Variants in XRCC6 observed in about 807,000 individuals in gnomAD.
XRCC6 encodes X-ray repair cross complementing 6, also known as DNA repair protein Ku70.
Under a neutral mutation model 65.7 loss-of-function variants are expected in XRCC6, and 5 were observed. The observed-to-expected ratio is 0.08, with a 90% CI of 0.04 to 0.16. The LOEUF (loss-of-function observed/expected upper bound fraction) is 0.16, where lower values mean the gene tolerates loss of function less well. XRCC6 is among the 10% of genes least tolerant of loss of function. The pLI, the probability that XRCC6 is intolerant of heterozygous loss-of-function variation, is 1.00. For synonymous variants in XRCC6, 270 were observed against 270.6 expected (o/e 1.00, Z 0.02); for missense variants, 447 against 738.1 (o/e 0.61, Z 4.57).
chr22:41,651,473 C>T (rs2067995947), intron 8 of XRCC6, among the ~76,000 whole-genome samples: 1 of 125,136 alleles, frequency 8.0e-6, no homozygotes, highest in South Asian at 2.9e-4. Context: ...CTCACTGCAA[C>T]ATCTGCCTCC....
At chr22:41,651,003 T>C in intron 8 of XRCC6, 112 bp downstream of exon 8, 10 of 1,363,952 alleles carry the variant, frequency 7.3e-6, no homozygotes, top group South Asian at 5.4e-5. Flanking sequence ...TAATGGAGTA[T>C]GTTGAAAGTG....
chr22:41,649,984 C>T (rs932970848), intron 7 of XRCC6, among the ~76,000 whole-genome samples: 2 of 152,018 alleles, frequency 1.3e-5, no homozygotes, highest in East Asian at 3.9e-4. Context: ...CGAGATTGCG[C>T]CACTGCACGC....
In XRCC6 at chr22:41,627,547, G is replaced by T. The variant is rs117579868; in HGVS notation, c.83-571G>T. ...AATCGCTTGAACCTGGGAGACGGAGGTCGTAGTAAGCCGAGATTGTGCCAC... is the reference window on the plus strand; with the variant it reads ...AATCGCTTGAACCTGGGAGACGGAGTTCGTAGTAAGCCGAGATTGTGCCAC... On this transcript the variant is annotated intron_variant, in intron 2 of 12. Transcript: ENST00000360079. 3.7e-3 allele frequency among the ~76,000 whole-genome samples: 550 copies of T among 146,800 alleles called. 20 individuals carry two copies. In the East Asian group the frequency reaches 0.1, roughly 28 times the overall value.
chr22:41,655,835 C>T (rs1347916167), intron 9 of XRCC6, among the ~76,000 whole-genome samples: 1 of 151,706 alleles, frequency 6.6e-6, no homozygotes, highest in Non-Finnish European at 1.5e-5. Flanking sequence ...AAGTGCTGTG[C>T]TTACCGACGT....
At chr22:41,651,519 A>AT (rs900444465) in intron 8 of XRCC6, among the ~76,000 whole-genome samples, 11 of 141,314 alleles carry the variant, frequency 7.8e-5, no homozygotes, top group Non-Finnish European at 1.5e-4. Flanking sequence ...TTATATATAT[A>AT]TATTTTTTTA....
intron 11 of XRCC6, among the ~76,000 whole-genome samples, chr22:41,659,701 T>C (rs976542053): frequency 2.6e-5 from 4 of 152,108 alleles, no homozygotes; most frequent in African/African-American, 9.7e-5. Flanking sequence ...TTCATTCATT[T>C]GAGACAGGTT....
intron 3 of XRCC6, among the ~76,000 whole-genome samples, chr22:41,630,176 G>A (rs958213597): frequency 6.6e-6 from 1 of 151,658 alleles, no homozygotes; most frequent in African/African-American, 2.4e-5. Context: ...TAGAGATGGG[G>A]TTTCACCATA....
At chr22:41,652,721 T>C (rs2068012619) in intron 8 of XRCC6, among the ~76,000 whole-genome samples, 1 of 152,070 alleles carries the variant, frequency 6.6e-6, no homozygotes, top group South Asian at 2.1e-4. Context: ...TCGCCCAGGC[T>C]GGAATGCAGT....
intron 3 of XRCC6, among the ~76,000 whole-genome samples, chr22:41,628,965 C>CAAAAAAA (rs11413169): frequency 9.6e-5 from 6 of 62,724 alleles, no homozygotes; most frequent in Admixed American, 2.9e-4. Context: ...GACTCTGTCT[C>CAAAAAAA]AAAAAAAAAA....
chr22:41,663,536 A>G, intron 12 of XRCC6, 86 bp from the exon 13 acceptor site: 1 of 1,466,686 alleles, frequency 6.8e-7, no homozygotes, highest in Non-Finnish European at 9.3e-7. Flanking sequence ...TGCAGCCCAG[A>G]TTATACGAGG....
chr22:41,637,078 ATTTTTTTTTTTTT>A (rs35433922), intron 5 of XRCC6, among the ~76,000 whole-genome samples: 1 of 88,708 alleles, frequency 1.1e-5, no homozygotes, highest in African/African-American at 4.2e-5. Flanking sequence ...GATTGTCTTG[ATTTTTTTTTTTTT>A]TTTTTTTTTT....
chr22:41,663,158 T>C (rs913950630), intron 12 of XRCC6, among the ~76,000 whole-genome samples: 1 of 152,160 alleles, frequency 6.6e-6, no homozygotes, highest in East Asian at 1.9e-4. Flanking sequence ...GTCCAGTGGC[T>C]CAATCACAGT....
intron 2 of XRCC6, among the ~76,000 whole-genome samples, chr22:41,627,728 G>T (rs2067694342): frequency 6.6e-6 from 1 of 152,034 alleles, no homozygotes; most frequent in Non-Finnish European, 1.5e-5. Context: ...TAAAAAATTA[G>T]CTGGTCATGG....
At chr22:41,651,045 C>A (rs762498890) in intron 8 of XRCC6, among the ~76,000 whole-genome samples, 154 bp downstream of exon 8, 1 of 152,202 alleles carries the variant, frequency 6.6e-6, no homozygotes, top group Non-Finnish European at 1.5e-5. Flanking sequence ...GTGGCTCACA[C>A]CTGTAATCCT....
At chr22:41,663,530 G>A (rs983268378) in intron 12 of XRCC6, 92 bp from the exon 13 acceptor site, 2 of 1,423,400 alleles carry the variant, frequency 1.4e-6, no homozygotes, top group Non-Finnish European at 1.9e-6. Flanking sequence ...GTTAATTGCA[G>A]CCCAGATTAT....
At chr22:41,655,925 G>A (rs1329369042) in intron 9 of XRCC6, among the ~76,000 whole-genome samples, 1 of 151,660 alleles carries the variant, frequency 6.6e-6, no homozygotes, top group Non-Finnish European at 1.5e-5. Flanking sequence ...CATGAGAAGT[G>A]CTTAGTTAAA....
At chr22:41,644,685 C>T (rs1407751700) in intron 6 of XRCC6, among the ~76,000 whole-genome samples, 7 of 152,012 alleles carry the variant, frequency 4.6e-5, no homozygotes, top group Admixed American at 2.6e-4. Flanking sequence ...GATGGGGTTT[C>T]ACCGTGTTGC....
intron 2 of XRCC6, among the ~76,000 whole-genome samples, chr22:41,626,270 G>A (rs556200005): frequency 1.1e-4 from 17 of 150,384 alleles, no homozygotes; most frequent in Non-Finnish European, 2.2e-4. Flanking sequence ...AGCCTCCATA[G>A]TAGCTGGGAT....
intron 7 of XRCC6, 74 bp downstream of exon 7, chr22:41,647,156 T>G: frequency 1.3e-6 from 2 of 1,514,940 alleles, no homozygotes; most frequent in South Asian, 2.4e-5. Flanking sequence ...TGGAGTGCAG[T>G]GGGGCGAACA....
Sources: gnomAD v4.1 joint callset for allele counts (sites outside exome capture counted in the v4.1 genomes callset) on GRCh38, gnomAD v4.1.1 for gene constraint, MANE v1.5 for transcripts, NCBI Gene and HGNC (gene_info 2026-07-23, HGNC 2026-07-21) for gene names.